MALRD1: variants seen among roughly 807,000 people sequenced by gnomAD.
MALRD1 encodes the protein MAM and LDL receptor class A domain containing 1.
Under a neutral mutation model 242.1 loss-of-function variants are expected in MALRD1, and 247 were observed. The ratio of observed to expected loss-of-function variants is 1.02; its 90% CI spans 0.92 to 1.13. MALRD1 has a LOEUF of 1.13. Among genes scored for constraint, MALRD1 ranks in the 50% most tolerant of loss-of-function variants. The pLI is 0.00. For missense variants in MALRD1, 2,989 were observed against 2,533.1 expected (o/e 1.18, Z -3.86); for synonymous variants, 995 against 866.6 (o/e 1.15, Z -2.60).
intron 19 of MALRD1, among the ~76,000 whole-genome samples, chr10:19,268,915 C>T (rs560049010): frequency 6.6e-6 from 1 of 152,310 alleles, no homozygotes; most frequent in East Asian, 1.9e-4. Flanking sequence ...AAATCTTCCA[C>T]ATGACAGATG....
chr10:19,658,487 AAC>A (rs1564521660), intron 36 of MALRD1, among the ~76,000 whole-genome samples: 1 of 152,050 alleles, frequency 6.6e-6, no homozygotes, highest in African/African-American at 2.4e-5. Flanking sequence ...TGGTTAGGAA[AAC>A]ACACCACACA....
chr10:19,131,055 G>A (rs1400994276), intron 8 of MALRD1, among the ~76,000 whole-genome samples: 1 of 152,120 alleles, frequency 6.6e-6, no homozygotes, highest in Non-Finnish European at 1.5e-5. Flanking sequence ...GAGGTGTCCT[G>A]TCTTTTCTGA....
intron 19 of MALRD1, among the ~76,000 whole-genome samples, chr10:19,259,871 C>T (rs1386814897): frequency 6.6e-6 from 1 of 152,048 alleles, no homozygotes; most frequent in African/African-American, 2.4e-5. Context: ...ATTTCTATTC[C>T]TGGTGTTATT....
rs529000033 is a variant in MALRD1, at chr10:19,142,171, C to CAAAAAA, written c.1412-4006_1412-4001dup. 7.4e-3 allele frequency among the ~76,000 whole-genome samples: 195 copies of CAAAAAA among 26,270 alleles called. 19 individuals are homozygous for CAAAAAA. Among genetic ancestry groups the CAAAAAA allele is most frequent in the African/African-American group, 0.031 (181 of 5,868 alleles). The allele number at this position is 26,270 out of a possible 152,430, so 17.2% of individuals were successfully genotyped here. A position where few individuals can be genotyped will look rare whatever the true frequency, so the allele number is the denominator to read the frequency against. On this transcript the variant is annotated intron_variant, in intron 10 of 39. Coordinates refer to ENST00000454679, the MANE Select transcript of MALRD1 (RefSeq NM_001142308.3). ...TGGGCGACAGAGCGAGACTCTAACT[C>CAAAAAA]AAAAAAAAAAAAAAAAAAAAAAAAA...
rs769851042 is a variant in MALRD1 at position 19,235,613 on chromosome 10, A to AGAGAGAGAGC, written c.2992-22070_2992-22069insAGAGAGAGCG. On this transcript the variant is annotated intron_variant, in intron 18 of 39. Transcript: ENST00000454679. Reference sequence around the variant, plus strand: ...GAGAGAGAGAGAGAGAGAGAGAGAGAGCGCCTAGGTAAGAGGCCACCAACC... The same window carrying AGAGAGAGAGC: ...GAGAGAGAGAGAGAGAGAGAGAGAGAGAGAGAGAGCGCGCCTAGGTAAGAGGCCACCAACC... 5.4e-3 allele frequency among the ~76,000 whole-genome samples: 775 copies of AGAGAGAGAGC among 143,788 alleles called. 3 individuals are homozygous for AGAGAGAGAGC. The highest frequency in any genetic ancestry group is 8.9e-3 in the Non-Finnish European group (587 of 65,748). 94.3% of individuals were successfully genotyped at this position (143,788 alleles called of 152,430 possible).
intron 33 of MALRD1, among the ~76,000 whole-genome samples, chr10:19,587,065 A>G (rs978220297): frequency 6.6e-6 from 1 of 152,350 alleles, no homozygotes; most frequent in East Asian, 1.9e-4. Context: ...GAGTGAGGCA[A>G]TGCCTCGCCC....
At chr10:19,385,817 G>A (rs2130801477) in intron 26 of MALRD1, among the ~76,000 whole-genome samples, 1 of 152,026 alleles carries the variant, frequency 6.6e-6, no homozygotes, top group Non-Finnish European at 1.5e-5. Context: ...AATAAAGTTA[G>A]GATGTTTATT....
At chr10:19,626,291 A>G (rs1839647322) in intron 36 of MALRD1, among the ~76,000 whole-genome samples, 2 of 128,398 alleles carry the variant, frequency 1.6e-5, no homozygotes, top group South Asian at 5.2e-4. Context: ...CCTTAAAATC[A>G]AGATTTTTTT....
chr10:19,629,386 G>A (rs543055935), intron 36 of MALRD1, among the ~76,000 whole-genome samples: 3 of 152,164 alleles, frequency 2.0e-5, no homozygotes, highest in Non-Finnish European at 4.4e-5. Flanking sequence ...TCCTCCGAGA[G>A]GAGTGGTGGG....
intron 26 of MALRD1, among the ~76,000 whole-genome samples, chr10:19,379,403 A>G (rs1019052863): frequency 6.6e-6 from 1 of 151,090 alleles, no homozygotes; most frequent in African/African-American, 2.4e-5. Context: ...TTGATTTTGG[A>G]TCTTGTTTTG....
chr10:19,504,843 C>T (rs535055785), intron 31 of MALRD1, among the ~76,000 whole-genome samples: 16 of 150,656 alleles, frequency 1.1e-4, no homozygotes, highest in Middle Eastern at 3.4e-3. Flanking sequence ...CCACCGCGCC[C>T]GGCTAAGTTT....
chr10:19,387,252 C>T lies in MALRD1; in HGVS notation c.4442-276C>T, dbSNP rs139166794. On this transcript the variant is annotated intron_variant, in intron 26 of 39. Coordinates refer to ENST00000454679, the MANE Select transcript of MALRD1 (RefSeq NM_001142308.3). ...TGAACACAGTTTACAAGGAATGTTGCATTTGGGGAGATGGAGGGGTACTTT... is the reference window on the plus strand; with the variant it reads ...TGAACACAGTTTACAAGGAATGTTGTATTTGGGGAGATGGAGGGGTACTTT... 6.4e-3 allele frequency among the ~76,000 whole-genome samples: 960 copies of T among 150,008 alleles called. 14 individuals are homozygous for T. The highest frequency in any genetic ancestry group is 0.022 in the African/African-American group (896 of 40,818).
rs1002409624 is a variant in MALRD1, at chr10:19,531,218, T to C, written c.5345T>C (p.Val1782Ala). The change falls in exon 32 of 40, where the codon GTC becomes GCC. Residue 1782 changes from valine (V) to alanine (A), a missense_variant. By Grantham distance (64) the Val-to-Ala change is moderately conservative. Coordinates refer to ENST00000454679, the MANE Select transcript of MALRD1 (RefSeq NM_001142308.3). The part of the protein sequence containing the change: ...TPGSGQHFLY[V>A]NSSGSKEGSV... The stretch of plus-strand genomic sequence containing the variant: ...GGTAGTGGTCAGCACTTCCTGTACG[T>C]CAACTCATCTGGCTCCAAGGAAGGA... 6 of 1,550,252 alleles carry C rather than the reference T, an allele frequency of 3.9e-6. No individual in the cohort carries two copies. Among genetic ancestry groups the C allele is most frequent in the Non-Finnish European group, 5.2e-6 (6 of 1,146,788 alleles).
At position 19,432,603 on chromosome 10, in the gene MALRD1, C is replaced by G. The variant is rs185871156; in HGVS notation, c.4846-17704C>G. On this transcript the variant is annotated intron_variant, in intron 28 of 39. Coordinates refer to ENST00000454679, the MANE Select transcript of MALRD1 (RefSeq NM_001142308.3). ...GAATGAAGTGGAGAAAGGGCTTGTC[C>G]TCATGAATCTTAAATTGTGATAGGA... Among the ~76,000 whole-genome samples, 24 of 152,222 alleles carry G rather than the reference C, an allele frequency of 1.6e-4. No homozygotes were observed. The East Asian group carries it at 4.1e-3, about 26-fold the overall frequency.
At position 19,292,658 on chromosome 10, in the gene MALRD1, T is replaced by C. The variant is rs569008067; in HGVS notation, c.3419+9477T>C. On this transcript the variant is annotated intron_variant, in intron 21 of 39. Coordinates refer to ENST00000454679, the MANE Select transcript of MALRD1 (RefSeq NM_001142308.3). ...CTGTAATCCCATCACTTTGGGAGGC[T>C]GAGGCGGGCGGATCACGAGGTCAGG... 5.3e-5 allele frequency among the ~76,000 whole-genome samples: 8 copies of C among 152,076 alleles called. No individual in the cohort carries two copies. The East Asian group carries it at 1.6e-3, about 30-fold the overall frequency.
In MALRD1 at chr10:19,713,454, C is replaced by T. The variant is rs566479615; in HGVS notation, c.6315-17252C>T. The stretch of plus-strand genomic sequence containing the variant: ...GGAAAATAAAAGACTTTGGCTCTGC[C>T]CATGGGAAGTTAATCTTCAAGAGAC... On this transcript the variant is annotated intron_variant, in intron 38 of 39. Coordinates refer to ENST00000454679, the MANE Select transcript of MALRD1 (RefSeq NM_001142308.3). 2.6e-5 allele frequency among the ~76,000 whole-genome samples: 4 copies of T among 152,200 alleles called. No homozygotes were observed. In the South Asian group the frequency reaches 6.2e-4, roughly 24 times the overall value.
At chr10:19,319,803 C>T (rs1842844452) in intron 21 of MALRD1, among the ~76,000 whole-genome samples, 1 of 151,982 alleles carries the variant, frequency 6.6e-6, no homozygotes, top group Non-Finnish European at 1.5e-5. Context: ...ATAAGATGAT[C>T]ACCTTTGTAT....
At chr10:19,413,700 T>C (rs1195020933) in intron 28 of MALRD1, among the ~76,000 whole-genome samples, 1 of 152,066 alleles carries the variant, frequency 6.6e-6, no homozygotes, top group Non-Finnish European at 1.5e-5. Flanking sequence ...TAAATGATTT[T>C]AGGCTGTGTG....
At chr10:19,609,029 G>T (rs1390045080) in intron 35 of MALRD1, among the ~76,000 whole-genome samples, 1 of 152,014 alleles carries the variant, frequency 6.6e-6, no homozygotes, top group Non-Finnish European at 1.5e-5. Context: ...ATAAAGACAA[G>T]ATTATCTTCA....
Sources: allele counts gnomAD v4.1 joint callset (sites outside exome capture counted in the v4.1 genomes callset), GRCh38; gene constraint gnomAD v4.1.1; transcripts MANE v1.5; gene names NCBI Gene and HGNC (gene_info 2026-07-23, HGNC 2026-07-21).